AKAP6: variants seen among roughly 807,000 people sequenced by gnomAD.
AKAP6 encodes the protein A-kinase anchoring protein 6.
Under a neutral mutation model 188.5 loss-of-function variants are expected in AKAP6, and 58 were observed. The ratio of observed to expected loss-of-function variants is 0.31; its 90% CI spans 0.25 to 0.38. The LOEUF is 0.38. AKAP6 is among the 10% of genes least tolerant of loss of function. AKAP6 has a pLI of 1.00. For missense variants in AKAP6, 2,710 were observed against 2,740.0 expected (o/e 0.99, Z 0.24); for synonymous variants, 989 against 998.6 (o/e 0.99, Z 0.18).
chr14:32,660,631 C>A (rs796492009), intron 7 of AKAP6, among the ~76,000 whole-genome samples: 30 of 152,096 alleles, frequency 2.0e-4, no homozygotes, highest in African/African-American at 7.0e-4. Flanking sequence ...TAAATAAGAA[C>A]AAACTTTTTA....
At chr14:32,768,673 A>G (rs1041714103) in intron 11 of AKAP6, among the ~76,000 whole-genome samples, 3 of 152,214 alleles carry the variant, frequency 2.0e-5, no homozygotes, top group Non-Finnish European at 2.9e-5. Context: ...TACTATTTTT[A>G]TACTTTAAAA....
At chr14:32,749,145 A>C (rs536668611) in intron 11 of AKAP6, among the ~76,000 whole-genome samples, 3 of 152,302 alleles carry the variant, frequency 2.0e-5, no homozygotes, top group Non-Finnish European at 2.9e-5. Flanking sequence ...CCTATGACCT[A>C]GGACTTTCAG....
At position 32,806,479 on chromosome 14, in the gene AKAP6, C is replaced by A. The variant is rs145185246; in HGVS notation, c.3589-14923C>A. ...ATTGCTTGAGGCTAGGAATTAGAGA[C>A]CAGTCTGAGCAACATGGCAAAACCC... is the stretch of plus-strand genomic sequence containing the variant. On this transcript the variant is annotated intron_variant, in intron 12 of 13. Transcript: ENST00000280979. 8.6e-3 allele frequency among the ~76,000 whole-genome samples: 1,313 copies of A among 152,152 alleles called. 29 individuals are homozygous for A. The highest frequency in any genetic ancestry group is 0.03 in the African/African-American group (1,245 of 41,464).
intron 7 of AKAP6, among the ~76,000 whole-genome samples, chr14:32,662,183 A>G (rs1888731845): frequency 6.6e-6 from 1 of 152,128 alleles, no homozygotes; most frequent in South Asian, 2.1e-4. Context: ...TATGTAAAAT[A>G]TAAAATTTTA....
chr14:32,828,227 T>A lies in AKAP6; in HGVS notation c.*43-1621T>A, dbSNP rs567940101. Among the ~76,000 whole-genome samples the A allele has an allele frequency of 1.4e-4, 21 of 152,310 alleles. No homozygotes were observed. In the South Asian group the frequency reaches 4.1e-3, roughly 30 times the overall value. ...AAGCTGTAAGAGCAAACATTTCTCA[T>A]GCACACAGCACAATTCCCATTCTGT... On this transcript the variant is annotated intron_variant, in intron 13 of 13. Transcript: ENST00000280979.
Position 32,832,818 on chromosome 14 carries a change from G to A in AKAP6, c.*3013G>A, listed in dbSNP as rs1170418455. The A allele has an allele frequency of 2.6e-5, 4 of 152,548 alleles. No homozygotes were observed. Among genetic ancestry groups the A allele is most frequent in the African/African-American group, 9.7e-5 (4 of 41,424 alleles). 9.4% of individuals were successfully genotyped at this position (152,548 alleles called of 1,614,324 possible). A position where few individuals can be genotyped will look rare whatever the true frequency, so the allele number is the denominator to read the frequency against. On this transcript the variant is annotated 3_prime_UTR_variant, in exon 14 of 14. Transcript: ENST00000280979. Reference sequence around the variant, plus strand: ...CATGGCAACCCTGAAGATAATCAAGGCCAGTTACTCATCATCTCCCAACCA... The same window carrying A: ...CATGGCAACCCTGAAGATAATCAAGACCAGTTACTCATCATCTCCCAACCA...
intron 7 of AKAP6, among the ~76,000 whole-genome samples, chr14:32,677,046 A>C (rs1889459856): frequency 6.6e-6 from 1 of 152,100 alleles, no homozygotes; most frequent in Non-Finnish European, 1.5e-5. Context: ...GGCTGGTCTC[A>C]AACTCCTGAC....
chr14:32,403,257 A>C (rs1889160737), intron 1 of AKAP6: 1 of 152,230 alleles, frequency 6.6e-6, no homozygotes, highest in Non-Finnish European at 1.5e-5. Flanking sequence ...TTACTGAACT[A>C]GGCTATTCAT....
At chr14:32,599,544 C>T in intron 6 of AKAP6, 38 bp downstream of exon 6, 2 of 1,515,246 alleles carry the variant, frequency 1.3e-6, no homozygotes, top group South Asian at 2.3e-5. Context: ...TTTACGTCTC[C>T]AGACTATTAA....
At chr14:32,340,589 C>A (rs73254636) in intron 1 of AKAP6, among the ~76,000 whole-genome samples, 2,176 of 152,334 alleles carry the variant, frequency 0.014, 52 homozygotes, top group African/African-American at 0.05. Context: ...TTCCAAAAAT[C>A]TGTTCCACAG....
At chr14:32,395,732 C>T (rs1209647847) in intron 1 of AKAP6, among the ~76,000 whole-genome samples, 1 of 152,180 alleles carries the variant, frequency 6.6e-6, no homozygotes, top group Non-Finnish European at 1.5e-5. Flanking sequence ...TCAAAACTTT[C>T]CTGGGTTACC....
intron 1 of AKAP6, among the ~76,000 whole-genome samples, chr14:32,423,663 C>G (rs955269724): frequency 1.3e-5 from 2 of 152,142 alleles, no homozygotes; most frequent in African/African-American, 4.8e-5. Flanking sequence ...GAGGTCACAA[C>G]ATATAAATAG....
intron 11 of AKAP6, among the ~76,000 whole-genome samples, chr14:32,763,216 A>C (rs2032598269): frequency 6.6e-6 from 1 of 152,132 alleles, no homozygotes; most frequent in East Asian, 1.9e-4. Flanking sequence ...GTCATAATCT[A>C]CTTAAAACTG....
At chr14:32,388,022 T>C (rs1037614847) in intron 1 of AKAP6, among the ~76,000 whole-genome samples, 1 of 151,988 alleles carries the variant, frequency 6.6e-6, no homozygotes, top group African/African-American at 2.4e-5. Context: ...TCAATCTCGC[T>C]GCTTGTTATT....
intron 1 of AKAP6, among the ~76,000 whole-genome samples, chr14:32,399,604 T>G (rs1307057457): frequency 6.6e-6 from 1 of 152,138 alleles, no homozygotes; most frequent in African/African-American, 2.4e-5. Flanking sequence ...TACAAAGTGT[T>G]GAGAATAACC....
intron 1 of AKAP6, among the ~76,000 whole-genome samples, chr14:32,415,157 A>G (rs1006725259): frequency 2.0e-5 from 3 of 152,194 alleles, no homozygotes; most frequent in Non-Finnish European, 4.4e-5. Flanking sequence ...ATTGCATTAC[A>G]CTGGTACATA....
chr14:32,429,002 G>C (rs1890128983), intron 1 of AKAP6, among the ~76,000 whole-genome samples: 1 of 152,176 alleles, frequency 6.6e-6, no homozygotes, highest in South Asian at 2.1e-4. Flanking sequence ...TGGGATAAAG[G>C]TGGTATTATC....
intron 7 of AKAP6, among the ~76,000 whole-genome samples, chr14:32,653,979 A>C (rs1199580949): frequency 6.6e-6 from 1 of 152,132 alleles, no homozygotes; most frequent in South Asian, 2.1e-4. Context: ...CAGATGGCCC[A>C]TGTCTTGGGC....
At chr14:32,786,296 A>ATGTTTTTTTTTGTTTTTT in intron 12 of AKAP6, among the ~76,000 whole-genome samples, 2 of 93,718 alleles carry the variant, frequency 2.1e-5, no homozygotes, top group Non-Finnish European at 4.1e-5. Flanking sequence ...CTAAACCTTT[A>ATGTTTTTTTTTGTTTTTT]TCTTTTTTTT....
Sources: gnomAD v4.1 joint callset for allele counts (sites outside exome capture counted in the v4.1 genomes callset) on GRCh38, gnomAD v4.1.1 for gene constraint, MANE v1.5 for transcripts, NCBI Gene and HGNC (gene_info 2026-07-23, HGNC 2026-07-21) for gene names.